PPL: variants seen among roughly 807,000 people sequenced by gnomAD.
The protein encoded by PPL is 190 kDa paraneoplastic pemphigus antigen.
A neutral mutation model predicts 194.4 loss-of-function variants in PPL; 198 were observed. That is an observed-to-expected ratio of 1.02 (90% CI 0.91 to 1.15). PPL has a LOEUF of 1.15. PPL is among the 50% of genes most tolerant of loss of function. The pLI is 0.00. For missense variants in PPL, 2,885 were observed against 2,294.8 expected (o/e 1.26, Z -5.25); for synonymous variants, 1,220 against 972.4 (o/e 1.25, Z -4.74).
Position 4,899,020 on chromosome 16 carries a change from G to A in PPL, c.869C>T (p.Ser290Phe). The change falls in exon 8 of 22, where the codon TCC (serine) becomes TTC (phenylalanine). Residue 290 changes from serine (S) to phenylalanine (F), a missense_variant. By Grantham distance (155) the Ser-to-Phe change is radical. Coordinates refer to ENST00000345988, the MANE Select transcript of PPL (RefSeq NM_002705.5). ...GTCTCGGGGTGCATGAACCTCAATG[G>A]AGTTCCTCCCGGGGTGCTCGGCCGC... is the stretch of plus-strand genomic sequence containing the variant. ...LLAAEHPGRN[S>F]IEAHMEAVHA... 1 of 1,613,468 alleles carries A rather than the reference G, an allele frequency of 6.2e-7. No individual in the cohort carries two copies.
rs752544871 is a variant in PPL at position 4,902,512 on chromosome 16, T to C, written c.332A>G (p.Lys111Arg). 3.1e-6 allele frequency: 5 copies of C among 1,613,566 alleles called. No individual in the cohort carries two copies. The highest frequency in any genetic ancestry group is 4.2e-6 in the Non-Finnish European group (5 of 1,179,754). ...CCCGCGCAGGTTGGTCACACGCTCCTTCAGCTGGCGGATACTGATGGGAGA... is the reference window on the plus strand; with the variant it reads ...CCCGCGCAGGTTGGTCACACGCTCCCTCAGCTGGCGGATACTGATGGGAGA... ...DMIAEDIRQL[K>R]ERVTNLRGKH... Residue 111 changes from lysine to arginine, a missense_variant, in exon 4 of 22, where the codon AAG becomes AGG. Physicochemically the swap from Lys to Arg is conservative, Grantham distance 26. Coordinates refer to ENST00000345988, the MANE Select transcript of PPL (RefSeq NM_002705.5). This position sits in a 1 kb window ranked among gnomAD's most constrained non-coding sequence, Gnocchi z 4.0.
chr16:4,921,718 C>T (rs2342425), intron 1 of PPL, among the ~76,000 whole-genome samples: 3 of 152,118 alleles, frequency 2.0e-5, no homozygotes, highest in Non-Finnish European at 4.4e-5. Flanking sequence ...CTGCCCGCCT[C>T]GGCCTCCCAA....
At chr16:4,934,691 A>T (rs2089271162) in intron 1 of PPL, among the ~76,000 whole-genome samples, 1 of 152,030 alleles carries the variant, frequency 6.6e-6, no homozygotes, top group African/African-American at 2.4e-5. Flanking sequence ...TAACTTGGGG[A>T]TCCACTCCCT....
chr16:4,926,905 A>T (rs1199147089), intron 1 of PPL, among the ~76,000 whole-genome samples: 1 of 142,554 alleles, frequency 7.0e-6, no homozygotes, highest in Non-Finnish European at 1.6e-5. Flanking sequence ...AAAAAAAACC[A>T]AAAACAAAGA....
chr16:4,908,896 G>C (rs916764731), intron 2 of PPL, among the ~76,000 whole-genome samples: 2 of 152,156 alleles, frequency 1.3e-5, no homozygotes, highest in Admixed American at 6.5e-5. Flanking sequence ...TGTGTGTGAT[G>C]AACACATATT....
At position 4,884,135 on chromosome 16, in the gene PPL, A is replaced by C. The variant is rs775874971; in HGVS notation, c.4520T>G (p.Val1507Gly). 6.2e-7 allele frequency: 1 copy of C among 1,611,324 alleles called. No individual in the cohort carries two copies. Among genetic ancestry groups the C allele is most frequent in the East Asian group, 2.2e-5 (1 of 44,766 alleles). ...CTCTTGCTCGGTGTCGCCCTTCTCC[A>C]CCTGGACACTCTCGGAGAGCACCAC... ...EKVVLSESVQ[V>G]EKGDTEQEIQ... Residue 1507 changes from valine to glycine, a missense_variant, in exon 22 of 22, where the codon GTG becomes GGG. Transcript: ENST00000345988. This position sits in a 1 kb window ranked among gnomAD's most constrained non-coding sequence, Gnocchi z 5.7.
intron 1 of PPL, among the ~76,000 whole-genome samples, chr16:4,919,163 CACG>C (rs752364891): frequency 1.5e-3 from 227 of 152,356 alleles, no homozygotes; most frequent in Non-Finnish European, 2.7e-3. Context: ...AACACGGACA[CACG>C]TGCTGAGGGC....
Position 4,895,399 on chromosome 16 carries a change from C to CTCCTGGTCCTG in PPL, c.1096-3_1103dup (p.Glu368AspfsTer53). ...CGTCCTCATACTTGTCCAGCACCTT[C>CTCCTGGTCCTG]TCCTGGTCCTGGAGAGAACGGGGTC... On this transcript the variant is annotated frameshift_variant, in exon 11 of 22. Transcript: ENST00000345988. LOFTEE classifies it high-confidence loss of function. The CTCCTGGTCCTG allele has an allele frequency of 1.2e-6, 2 of 1,606,018 alleles. No individual in the cohort carries two copies. Among genetic ancestry groups the CTCCTGGTCCTG allele is most frequent in the Non-Finnish European group, 1.7e-6 (2 of 1,173,272 alleles).
chr16:4,928,730 G>A lies in PPL; in HGVS notation c.62+8254C>T, dbSNP rs184576655. ...AATCTCAGATAAGAAACTCTATTTG[G>A]CTGGGAGCAGTGGCTCATGCCTGTA... On this transcript the variant is annotated intron_variant, in intron 1 of 21. Transcript: ENST00000345988. 5.3e-5 allele frequency among the ~76,000 whole-genome samples: 8 copies of A among 152,296 alleles called. No homozygotes were observed. The East Asian group carries it at 1.5e-3, about 29-fold the overall frequency.
chr16:4,896,646 T>G (rs2142353654), intron 9 of PPL, among the ~76,000 whole-genome samples: 2 of 151,066 alleles, frequency 1.3e-5, no homozygotes, highest in South Asian at 4.2e-4. Context: ...GTTGTTTTTT[T>G]TTTTTTTTTT....
intron 1 of PPL, among the ~76,000 whole-genome samples, chr16:4,927,529 G>C (rs183512274): frequency 1.3e-5 from 2 of 152,218 alleles, no homozygotes; most frequent in Admixed American, 1.3e-4. Context: ...GCAAGATGCC[G>C]AAGAATCCTA....
At chr16:4,931,630 G>T (rs1473614816) in intron 1 of PPL, among the ~76,000 whole-genome samples, 3 of 152,182 alleles carry the variant, frequency 2.0e-5, no homozygotes, top group African/African-American at 4.8e-5. Flanking sequence ...GACCTGCCGG[G>T]AGCAGAGAGC....
intron 9 of PPL, among the ~76,000 whole-genome samples, chr16:4,896,627 G>C (rs1232270580): frequency 6.6e-6 from 1 of 150,832 alleles, no homozygotes; most frequent in African/African-American, 2.5e-5. Flanking sequence ...ACTGCCTAAT[G>C]AGTACGGGGT....
chr16:4,893,506 C>G, intron 13 of PPL, 35 bp downstream of exon 13: 1 of 1,607,602 alleles, frequency 6.2e-7, no homozygotes, highest in African/African-American at 1.3e-5. Context: ...TCCCCGGTAC[C>G]CCCAGAGCCT....
At chr16:4,921,576 C>T (rs1264381620) in intron 1 of PPL, among the ~76,000 whole-genome samples, 3 of 151,890 alleles carry the variant, frequency 2.0e-5, no homozygotes, top group East Asian at 3.9e-4. Flanking sequence ...AAGCAATTCT[C>T]GTGCCTCAGC....
chr16:4,886,177 G>T, intron 21 of PPL, 130 bp from the exon 22 acceptor site: 1 of 1,160,988 alleles, frequency 8.6e-7, no homozygotes, highest in Non-Finnish European at 1.2e-6. Flanking sequence ...CATGTTAGTT[G>T]TAGAGTTCTA....
At position 4,885,276 on chromosome 16, in the gene PPL, C is replaced by A; in HGVS notation, c.3379G>T (p.Glu1127Ter). ...CGGGTGAGATCGCTGACCTCCCTCTCGGTGGCCGCGTCCTTCTCCACCTTG... is the reference window on the plus strand; with the variant it reads ...CGGGTGAGATCGCTGACCTCCCTCTAGGTGGCCGCGTCCTTCTCCACCTTG... Reference protein sequence around the residue: ...VLKVEKDAATEREVSDLTRQY... With the variant: ...VLKVEKDAAT The change falls in exon 22 of 22, where the codon GAG becomes TAG. Residue 1127 changes from glutamate to a stop codon, truncating the protein, a stop_gained. Transcript: ENST00000345988. LOFTEE classifies it high-confidence loss of function. This position sits in a 1 kb window ranked among gnomAD's most constrained non-coding sequence, Gnocchi z 6.3. 2 of 1,611,802 alleles carry A rather than the reference C, an allele frequency of 1.2e-6. No individual in the cohort carries two copies. Among genetic ancestry groups the A allele is most frequent in the Non-Finnish European group, 8.5e-7 (1 of 1,179,974 alleles).
In PPL at chr16:4,893,591, T is replaced by A; in HGVS notation, c.1442A>T (p.Lys481Ile). 2 of 1,610,984 alleles carry A rather than the reference T, an allele frequency of 1.2e-6. No individual in the cohort carries two copies. Among genetic ancestry groups the A allele is most frequent in the African/African-American group, 1.3e-5 (1 of 75,010 alleles). The stretch of plus-strand genomic sequence containing the variant: ...CTCATACCGCTGCTGCAGCGTGCGT[T>A]TGCTCCCAGCTGCCTTCTGCCGCAC... ...RSVRQKAAGS[K>I]RTLQQRYEVL... The change falls in exon 13 of 22, where the codon AAA becomes ATA. Residue 481 changes from lysine (K) to isoleucine (I), a missense_variant. By Grantham distance (102) the Lys-to-Ile change is moderately radical (BLOSUM62 -3). Coordinates refer to ENST00000345988, the MANE Select transcript of PPL (RefSeq NM_002705.5).
At chr16:4,920,099 C>A (rs2089006373) in intron 1 of PPL, among the ~76,000 whole-genome samples, 1 of 151,372 alleles carries the variant, frequency 6.6e-6, no homozygotes, top group African/African-American at 2.4e-5. Flanking sequence ...TCCTGGCCAA[C>A]CTGGTGAAAC....
Sources: gnomAD v4.1 joint callset for allele counts (sites outside exome capture counted in the v4.1 genomes callset) on GRCh38, gnomAD v4.1.1 for gene constraint, Gnocchi (gnomAD v3.1) non-coding constraint, MANE v1.5 for transcripts, NCBI Gene and HGNC (gene_info 2026-07-23, HGNC 2026-07-21) for gene names.